Variants in TTC29 observed in about 807,000 individuals in gnomAD.
TTC29 encodes tetratricopeptide repeat domain 29, also known as tetratricopeptide repeat protein 29.
Under a neutral mutation model 58.1 loss-of-function variants are expected in TTC29, and 49 were observed. That is an observed-to-expected ratio of 0.84 (90% CI 0.67 to 1.07). TTC29 has a LOEUF of 1.07. Among genes scored for constraint, TTC29 ranks in the 50% least tolerant of loss-of-function variants. The pLI is 0.00. For missense variants in TTC29, 582 were observed against 555.6 expected, an observed-to-expected ratio of 1.05 and a Z score of -0.48; for synonymous variants, 209 against 196.8, an observed-to-expected ratio of 1.06 and a Z score of -0.52.
At chr4:146,911,214 A>G (rs1404674590) in intron 4 of TTC29, among the ~76,000 whole-genome samples, 1 of 152,176 alleles carries the variant, frequency 6.6e-6, no homozygotes, top group Non-Finnish European at 1.5e-5. Flanking sequence ...CATGAATGGT[A>G]TAGGAGAAGG....
chr4:146,869,664 C>T (rs920348080), intron 7 of TTC29, among the ~76,000 whole-genome samples: 17 of 151,712 alleles, frequency 1.1e-4, no homozygotes, highest in African/African-American at 4.1e-4. Flanking sequence ...AGCAACTGGC[C>T]GGGCTGATAT....
intron 1 of TTC29, 40 bp from the exon 2 acceptor site, chr4:146,945,117 A>C (rs1736806801): frequency 6.6e-6 from 1 of 152,196 alleles, no homozygotes; most frequent in African/African-American, 2.4e-5. Context: ...AAAGAAGAAA[A>C]ATTTAAAATC....
chr4:146,801,168 G>A (rs934718167), intron 11 of TTC29, among the ~76,000 whole-genome samples: 7 of 152,124 alleles, frequency 4.6e-5, no homozygotes, highest in African/African-American at 1.2e-4. Context: ...GTGGGGAGCC[G>A]AGGAAGATTT....
chr4:146,901,437 C>T (rs1265625368), intron 6 of TTC29, among the ~76,000 whole-genome samples: 1 of 152,120 alleles, frequency 6.6e-6, no homozygotes, highest in Non-Finnish European at 1.5e-5. Context: ...CTGAAATTAA[C>T]ACGTATTTGG....
At position 146,820,232 on chromosome 4, in the gene TTC29, C is replaced by T. The variant is rs1751723892; in HGVS notation, c.994G>A (p.Glu332Lys). The change falls in exon 10 of 13, where the codon GAA becomes AAA. Residue 332 changes from glutamate (E) to lysine (K), a missense_variant. Physicochemically the swap from Glu to Lys is moderately conservative, Grantham distance 56. Transcript: ENST00000325106. ...KVLQSQGEMT[E>K]AIKYLKKFVK... ...AATTTTTTCAAGTATTTAATTGCTT[C>T]TGTCATCTCTCCTTGGCTAGAATGA... 6.2e-7 allele frequency: 1 copy of T among 1,612,004 alleles called. No homozygotes were observed. The highest frequency in any genetic ancestry group is 1.1e-5 in the South Asian group (1 of 91,044).
chr4:146,713,808 C>A (rs1742716614), intron 11 of TTC29, among the ~76,000 whole-genome samples: 1 of 152,048 alleles, frequency 6.6e-6, no homozygotes, highest in African/African-American at 2.4e-5. Context: ...CTGAATGAAG[C>A]ATTGAAGATA....
At chr4:146,931,445 C>T (rs114182795) in intron 4 of TTC29, among the ~76,000 whole-genome samples, 21 of 152,206 alleles carry the variant, frequency 1.4e-4, no homozygotes, top group Non-Finnish European at 2.5e-4. Context: ...AATTGAGTGT[C>T]GTCTACACGT....
intron 11 of TTC29, among the ~76,000 whole-genome samples, chr4:146,756,461 G>A (rs1746457992): frequency 6.6e-6 from 1 of 152,032 alleles, no homozygotes; most frequent in Admixed American, 6.6e-5. Flanking sequence ...GAAATATTTT[G>A]TGAAGACTGT....
intron 10 of TTC29, among the ~76,000 whole-genome samples, chr4:146,804,461 G>C (rs1281167048): frequency 6.6e-6 from 1 of 152,152 alleles, no homozygotes; most frequent in Non-Finnish European, 1.5e-5. Context: ...CCTGCAGGGA[G>C]CCAAGCAAAC....
At chr4:146,872,936 T>C (rs756880356) in intron 7 of TTC29, among the ~76,000 whole-genome samples, 1 of 152,124 alleles carries the variant, frequency 6.6e-6, no homozygotes, top group Non-Finnish European at 1.5e-5. Flanking sequence ...GCATTATTCA[T>C]AATAGGCAAA....
chr4:146,721,048 C>A (rs1743319527), intron 11 of TTC29, among the ~76,000 whole-genome samples: 1 of 151,984 alleles, frequency 6.6e-6, no homozygotes, highest in Admixed American at 6.6e-5. Context: ...ATGGCATAAC[C>A]CTCTGAATTA....
chr4:146,781,562 C>T (rs1748607817), intron 11 of TTC29, among the ~76,000 whole-genome samples: 2 of 151,840 alleles, frequency 1.3e-5, no homozygotes, highest in Admixed American at 1.3e-4. Flanking sequence ...CTGCTCAGCA[C>T]AGTGTAAAGA....
chr4:146,944,542 T>C (rs937850006), intron 2 of TTC29, among the ~76,000 whole-genome samples: 2 of 152,166 alleles, frequency 1.3e-5, no homozygotes, highest in Admixed American at 1.3e-4. Flanking sequence ...CCTACTACTA[T>C]GTAAATGGAG....
Position 146,787,781 on chromosome 4 carries a change from C to T in TTC29, c.1330+15676G>A, listed in dbSNP as rs552303544. The stretch of plus-strand genomic sequence containing the variant: ...AGAGAAAGATGAAAAGTGTTTTCTG[C>T]TTAATGGGTTGGTATTAAGTAGGTG... On this transcript the variant is annotated intron_variant, in intron 11 of 12. Transcript: ENST00000325106. Among the ~76,000 whole-genome samples the T allele has an allele frequency of 1.1e-4, 17 of 152,264 alleles. 1 individual carries two copies. Among genetic ancestry groups the T allele is most frequent in the Middle Eastern group, 6.8e-3 (2 of 294 alleles).
intron 11 of TTC29, among the ~76,000 whole-genome samples, chr4:146,746,748 GC>G (rs1745579187): frequency 1.3e-5 from 2 of 152,090 alleles, no homozygotes; most frequent in Admixed American, 1.3e-4. Context: ...TCTAGTTTCT[GC>G]CCCATACAAG....
chr4:146,907,890 A>G (rs188872360), intron 5 of TTC29, among the ~76,000 whole-genome samples: 107 of 152,294 alleles, frequency 7.0e-4, no homozygotes, highest in African/African-American at 2.3e-3. Flanking sequence ...GTTCACCAAA[A>G]TATTTTTTTT....
intron 11 of TTC29, among the ~76,000 whole-genome samples, chr4:146,784,446 T>C (rs1000100802): frequency 5.9e-5 from 9 of 152,106 alleles, no homozygotes; most frequent in African/African-American, 2.2e-4. Context: ...TTGTGTCCCC[T>C]TAAAATTCCT....
At chr4:146,809,596 G>A (rs761994274) in intron 10 of TTC29, among the ~76,000 whole-genome samples, 2 of 149,634 alleles carry the variant, frequency 1.3e-5, no homozygotes, top group South Asian at 2.1e-4. Flanking sequence ...TCAAAAAGTG[G>A]GCAAAGGATA....
At chr4:146,902,304 G>A (rs10033496) in intron 6 of TTC29, among the ~76,000 whole-genome samples, 2,248 of 151,986 alleles carry the variant, frequency 0.015, 46 homozygotes, top group African/African-American at 0.051. Context: ...AGTTTCCCAG[G>A]GTGGGAAGAG....
Sources: gnomAD v4.1 joint callset for allele counts (sites outside exome capture counted in the v4.1 genomes callset) on GRCh38, gnomAD v4.1.1 for gene constraint, MANE v1.5 for transcripts, NCBI Gene and HGNC (gene_info 2026-07-23, HGNC 2026-07-21) for gene names.